The following PLCL2 variants were observed in gnomAD, a reference collection of about 807,000 sequenced individuals.
PLCL2 encodes the protein inactive phospholipase C-like protein 2.
PLCL2 carries 4 observed loss-of-function variants against 79.6 expected under a neutral mutation model. That is an observed-to-expected ratio of 0.05 (90% CI 0.02 to 0.11). The LOEUF is 0.11. Ranked by LOEUF, PLCL2 falls within the 10% of genes least tolerant of loss-of-function variation. The pLI, the probability that PLCL2 is intolerant of heterozygous loss-of-function variation, is 1.00. For synonymous variants in PLCL2, 484 were observed against 457.7 expected (o/e 1.06, Z -0.73); for missense variants, 895 against 1,291.0 (o/e 0.69, Z 4.70).
intron 1 of PLCL2, among the ~76,000 whole-genome samples, chr3:16,965,162 T>G (rs527735958): frequency 2.2e-4 from 34 of 152,358 alleles, no homozygotes; most frequent in African/African-American, 5.3e-4. Context: ...GGTCTAACAT[T>G]TAAGTCTTTA....
At chr3:17,043,026 T>G in intron 4 of PLCL2, 77 bp downstream of exon 4, 1 of 899,626 alleles carries the variant, frequency 1.1e-6, no homozygotes, top group Non-Finnish European at 1.8e-6. Context: ...ATTTCATTTT[T>G]TGGATGCTAT....
intron 1 of PLCL2, among the ~76,000 whole-genome samples, chr3:16,911,252 C>CAAA (rs780366754): frequency 5.4e-5 from 3 of 55,976 alleles, no homozygotes; most frequent in Non-Finnish European, 1.1e-4. Context: ...GACTCTGTCT[C>CAAA]AAAAAAAAAA....
chr3:16,968,486 C>T (rs1017727122), intron 1 of PLCL2, among the ~76,000 whole-genome samples: 6 of 151,942 alleles, frequency 3.9e-5, no homozygotes, highest in Non-Finnish European at 7.4e-5. Context: ...GATCTTTCAC[C>T]TCCCTGGTTA....
At chr3:16,909,360 A>G (rs1447526986) in intron 1 of PLCL2, among the ~76,000 whole-genome samples, 1 of 152,206 alleles carries the variant, frequency 6.6e-6, no homozygotes, top group East Asian at 1.9e-4. Context: ...TTCCTCATCT[A>G]GGAAAAGGAA....
At chr3:16,934,880 T>C (rs1179117643) in intron 1 of PLCL2, among the ~76,000 whole-genome samples, 1 of 152,150 alleles carries the variant, frequency 6.6e-6, no homozygotes, top group African/African-American at 2.4e-5. Context: ...TTATGTGCAA[T>C]GCATTTAACA....
At chr3:17,087,382 T>C (rs1179120922) in intron 5 of PLCL2, among the ~76,000 whole-genome samples, 3 of 152,170 alleles carry the variant, frequency 2.0e-5, no homozygotes, top group Non-Finnish European at 4.4e-5. Context: ...TAAATGCATA[T>C]TACTAAGCGA....
intron 1 of PLCL2, among the ~76,000 whole-genome samples, chr3:16,994,578 CAA>C (rs2064134630): frequency 6.6e-6 from 1 of 152,176 alleles, no homozygotes; most frequent in East Asian, 1.9e-4. Context: ...ATTAATTTTG[CAA>C]AGTGGATTTA....
chr3:17,000,327 T>C (rs2064196274), intron 1 of PLCL2, among the ~76,000 whole-genome samples: 2 of 152,152 alleles, frequency 1.3e-5, no homozygotes, highest in South Asian at 2.1e-4. Flanking sequence ...ATTGATACAT[T>C]ATTATTATAT....
chr3:17,067,824 A>C (rs2065024706), intron 4 of PLCL2, 132 bp from the exon 5 acceptor site: 2 of 551,560 alleles, frequency 3.6e-6, no homozygotes, highest in Non-Finnish European at 6.4e-6. Context: ...TTACATTCTT[A>C]AATGGACACA....
intron 1 of PLCL2, 106 bp downstream of exon 1, chr3:16,885,472 C>T: frequency 2.0e-6 from 1 of 501,068 alleles, no homozygotes; most frequent in East Asian, 3.5e-5. Context: ...CTAACAGGAA[C>T]CACTGGAGCA....
At chr3:17,073,839 C>CA (rs1329935052) in intron 5 of PLCL2, among the ~76,000 whole-genome samples, 1 of 152,198 alleles carries the variant, frequency 6.6e-6, no homozygotes, top group African/African-American at 2.4e-5. Context: ...ATTTAGTCAC[C>CA]TCTTCAGGCT....
chr3:16,893,350 T>G lies in PLCL2; in HGVS notation c.327+7984T>G, dbSNP rs555435337. On this transcript the variant is annotated intron_variant, in intron 1 of 5. Transcript: ENST00000615277. ...AATGGTTTGTTTTTTTAGGTGGGCT[T>G]CTTCTATTATTGTTTCGGAATTGTC... Among the ~76,000 whole-genome samples, 4 of 152,380 alleles carry G rather than the reference T, an allele frequency of 2.6e-5. 1 individual carries two copies. In the South Asian group the frequency reaches 6.2e-4, roughly 24 times the overall value.
At position 17,012,053 on chromosome 3, in the gene PLCL2, A is replaced by G. The variant is rs2064331565; in HGVS notation, c.2707A>G (p.Arg903Gly). 2 of 1,614,202 alleles carry G rather than the reference A, an allele frequency of 1.2e-6. No individual in the cohort carries two copies. Among genetic ancestry groups the G allele is most frequent in the South Asian group, 1.1e-5 (1 of 91,088 alleles). Residue 903 changes from arginine (R) to glycine (G), a missense_variant, in exon 2 of 6, where the codon AGG becomes GGG. Transcript: ENST00000615277. ...GLSVRKGKKS[R>G]EYASLRTLWI... ...TTCTGTGAGAAAAGGGAAGAAATCC[A>G]GGGAATATGCATCTTTGAGAACACT...
At chr3:17,023,049 G>A (rs1046784309) in intron 3 of PLCL2, among the ~76,000 whole-genome samples, 1 of 152,072 alleles carries the variant, frequency 6.6e-6, no homozygotes, top group African/African-American at 2.4e-5. Context: ...TTCTTTTTGT[G>A]TTCTTGGCAA....
At chr3:16,907,635 C>T (rs573658397) in intron 1 of PLCL2, among the ~76,000 whole-genome samples, 1 of 152,186 alleles carries the variant, frequency 6.6e-6, no homozygotes, top group South Asian at 2.1e-4. Context: ...CACCTATTGG[C>T]CTTAGTTTCC....
chr3:16,900,486 A>G (rs192159652), intron 1 of PLCL2, among the ~76,000 whole-genome samples: 5 of 152,364 alleles, frequency 3.3e-5, no homozygotes, highest in Admixed American at 2.6e-4. Flanking sequence ...GTATATTGAA[A>G]TAAAGCTATA....
Position 16,997,532 on chromosome 3 carries a change from C to CTTT in PLCL2, c.328-12128_328-12126dup, listed in dbSNP as rs747893839. 2.6e-4 allele frequency among the ~76,000 whole-genome samples: 34 copies of CTTT among 131,680 alleles called. 1 individual carries two copies. The highest frequency in any genetic ancestry group is 4.4e-4 in the Non-Finnish European group (27 of 62,042). 86.4% of individuals were successfully genotyped at this position (131,680 alleles called of 152,430 possible). A position where few individuals can be genotyped will look rare whatever the true frequency, so the allele number is the denominator to read the frequency against. ...CTCCACATACACATTAATTTCTTTT[C>CTTT]TTTTTTTTTTTTTTTTGAGATGGAG... On this transcript the variant is annotated intron_variant, in intron 1 of 5. Transcript: ENST00000615277.
At chr3:16,916,933 C>T (rs1697009757) in intron 1 of PLCL2, among the ~76,000 whole-genome samples, 1 of 152,094 alleles carries the variant, frequency 6.6e-6, no homozygotes, top group Non-Finnish European at 1.5e-5. Flanking sequence ...CTTATGTGTT[C>T]TTTATCTCCC....
intron 1 of PLCL2, among the ~76,000 whole-genome samples, chr3:16,938,716 C>G (rs1455672797): frequency 6.6e-6 from 1 of 152,154 alleles, no homozygotes; most frequent in East Asian, 1.9e-4. Flanking sequence ...GCAGGGAGCA[C>G]AAAATGTCTT....
Sources: allele counts gnomAD v4.1 joint callset (sites outside exome capture counted in the v4.1 genomes callset), GRCh38; gene constraint gnomAD v4.1.1; transcripts MANE v1.5; gene names NCBI Gene and HGNC (gene_info 2026-07-23, HGNC 2026-07-21).